Variants in PATE1 observed in about 807,000 individuals in gnomAD.
The protein encoded by PATE1 is prostate and testis expressed 1.
PATE1 carries 21 observed loss-of-function variants against 13.1 expected under a neutral mutation model. The observed-to-expected ratio is 1.61, with a 90% confidence interval of 1.14 to 2.31. PATE1 has a LOEUF of 2.31. Among genes scored for constraint, PATE1 ranks in the 30% most tolerant of loss-of-function variants. The pLI is 0.00. For synonymous variants in PATE1, 52 were observed against 47.1 expected (o/e 1.10, Z -0.43); for missense variants, 166 against 147.2 (o/e 1.13, Z -0.66).
At position 125,748,580 on chromosome 11, in the gene PATE1, G is replaced by GT; in HGVS notation, c.248-14dup. On this transcript the variant is annotated intron_variant, in intron 4 of 4. Coordinates refer to ENST00000305738, the MANE Select transcript of PATE1 (RefSeq NM_138294.3). Reference sequence around the variant, plus strand: ...CTTTCATGGCCAGGCTTCCTGATCTGTTTTTTCTCCCCTCCACAGGGGATG... The same window carrying GT: ...CTTTCATGGCCAGGCTTCCTGATCTGTTTTTTTCTCCCCTCCACAGGGGATG... The GT allele has an allele frequency of 2.5e-6, 4 of 1,608,602 alleles. No individual in the cohort carries two copies. The highest frequency in any genetic ancestry group is 3.4e-6 in the Non-Finnish European group (4 of 1,178,424).
chr11:125,748,805 T>TA lies in PATE1; in HGVS notation c.*80dup, dbSNP rs1341291218. 3.3e-5 allele frequency: 50 copies of TA among 1,526,426 alleles called. No homozygotes were observed. Among genetic ancestry groups the TA allele is most frequent in the Non-Finnish European group, 3.3e-5 (38 of 1,136,356 alleles). The allele number at this position is 1,526,426 out of a possible 1,614,324, so 94.6% of individuals were successfully genotyped here. A position where few individuals can be genotyped will look rare whatever the true frequency, so the allele number is the denominator to read the frequency against. ...CCTCAGCCTCTTCACAATGACTTTC[T>TA]AAAAAAAATCACACACACACACACA... On this transcript the variant is annotated 3_prime_UTR_variant, in exon 5 of 5. Coordinates refer to ENST00000305738, the MANE Select transcript of PATE1 (RefSeq NM_138294.3).
chr11:125,747,578 C>T lies in PATE1; in HGVS notation c.125-122C>T, dbSNP rs1014949909. 2.8e-5 allele frequency: 41 copies of T among 1,477,062 alleles called. 1 individual carries two copies. The highest frequency in any genetic ancestry group is 8.5e-5 in the South Asian group (7 of 82,014). 91.5% of individuals were successfully genotyped at this position (1,477,062 alleles called of 1,614,324 possible). On this transcript the variant is annotated intron_variant, in intron 3 of 4. Coordinates refer to ENST00000305738, the MANE Select transcript of PATE1 (RefSeq NM_138294.3). ...GTATTTCCACAGAGGAAGAGGTTCA[C>T]GCTTGATGGGCTCTGGCAAAGCCCT...
intron 4 of PATE1, 33 bp downstream of exon 4, chr11:125,747,855 C>T: frequency 6.2e-7 from 1 of 1,612,732 alleles, no homozygotes. Flanking sequence ...GAAGAACGGG[C>T]AGAGGACGTA....
At chr11:125,747,879 C>A in intron 4 of PATE1, 57 bp downstream of exon 4, 1 of 1,606,256 alleles carries the variant, frequency 6.2e-7, no homozygotes, top group Non-Finnish European at 8.5e-7. Context: ...AGGGACGTAT[C>A]AGCCACAGGG....
intron 1 of PATE1, 120 bp from the exon 2 acceptor site, chr11:125,746,541 T>C (rs1943273169): frequency 2.9e-6 from 4 of 1,390,250 alleles, no homozygotes. Flanking sequence ...CTCTTCTCCC[T>C]TCCTTTATGG....
chr11:125,747,521 A>G, intron 3 of PATE1, 110 bp downstream of exon 3: 1 of 1,421,014 alleles, frequency 7.0e-7, no homozygotes, highest in Admixed American at 1.7e-5. Context: ...AATTCCTGAG[A>G]CCATAAACCT....
At chr11:125,748,517 T>A in intron 4 of PATE1, 83 bp from the exon 5 acceptor site, 3 of 1,452,980 alleles carry the variant, frequency 2.1e-6, no homozygotes, top group Non-Finnish European at 2.8e-6. Flanking sequence ...ATTATTTCTA[T>A]ATGTTGGTGT....
rs1325265167 is a variant in PATE1 at position 125,749,782 on chromosome 11, A to G, written c.*1049A>G. 1 of 152,154 alleles carries G rather than the reference A, an allele frequency of 6.6e-6. No homozygotes were observed. The highest frequency in any genetic ancestry group is 2.4e-5 in the African/African-American group (1 of 41,444). The allele number at this position is 152,154 out of a possible 1,614,324, so 9.4% of individuals were successfully genotyped here. On this transcript the variant is annotated 3_prime_UTR_variant, in exon 5 of 5. Coordinates refer to ENST00000305738, the MANE Select transcript of PATE1 (RefSeq NM_138294.3). ...ATTTCTAACGAAACTTGTAGAATGA[A>G]GCCTGGAAAGAGTGATGAATTATAT...
At chr11:125,747,895 G>A in intron 4 of PATE1, 73 bp downstream of exon 4, 1 of 1,592,038 alleles carries the variant, frequency 6.3e-7, no homozygotes, top group East Asian at 2.2e-5. Flanking sequence ...CAGGGGAAAG[G>A]AGAGATCTTA....
At chr11:125,747,659 G>A in intron 3 of PATE1, 41 bp from the exon 4 acceptor site, 1 of 1,608,866 alleles carries the variant, frequency 6.2e-7, no homozygotes, top group Non-Finnish European at 8.5e-7. Flanking sequence ...TCCTGGTAGT[G>A]CCATCTTTTC....
At chr11:125,747,298 G>A (rs11220207) in intron 2 of PATE1, 78 bp from the exon 3 acceptor site, 187,886 of 1,387,674 alleles carry the variant, frequency 0.14, 13,211 homozygotes, top group East Asian at 0.18. Flanking sequence ...GGACCCTGAA[G>A]GGCAGACTAT....
chr11:125,747,735 C>CT lies in PATE1; in HGVS notation c.160_161insT (p.Gln54LeufsTer33). The CT allele has an allele frequency of 1.2e-6, 2 of 1,613,770 alleles. No individual in the cohort carries two copies. Among genetic ancestry groups the CT allele is most frequent in the Non-Finnish European group, 1.7e-6 (2 of 1,179,800 alleles). On this transcript the variant is annotated frameshift_variant, in exon 4 of 5. Transcript: ENST00000305738. LOFTEE classifies it high-confidence loss of function. ...TGTTCAGTGTAGGATGTGCCACCTC[C>CT]AGTTCCCAGGAGAAAAGTGCTCCAG...
At position 125,748,847 on chromosome 11, in the gene PATE1, A is replaced by T. The variant is rs754063030; in HGVS notation, c.*114A>T. On this transcript the variant is annotated 3_prime_UTR_variant, in exon 5 of 5. Transcript: ENST00000305738. ...ACACACACACACACTACAGAAGAGG[A>T]TTGCAAACACATGGCTCCATCTTCT... 1.6e-5 allele frequency: 21 copies of T among 1,303,272 alleles called. No homozygotes were observed. Among genetic ancestry groups the T allele is most frequent in the Non-Finnish European group, 2.2e-5 (21 of 960,708 alleles). The allele number at this position is 1,303,272 out of a possible 1,614,324, so 80.7% of individuals were successfully genotyped here. A position where few individuals can be genotyped will look rare whatever the true frequency, so the allele number is the denominator to read the frequency against.
In PATE1 at chr11:125,748,164, T is replaced by C. The variant is rs1172660362; in HGVS notation, c.247+342T>C. 9.1e-6 allele frequency: 3 copies of C among 331,154 alleles called. No individual in the cohort carries two copies. The South Asian group carries it at 1.2e-4, about 13-fold the overall frequency. The allele number at this position is 331,154 out of a possible 1,614,324, so 20.5% of individuals were successfully genotyped here. On this transcript the variant is annotated intron_variant, in intron 4 of 4. Coordinates refer to ENST00000305738, the MANE Select transcript of PATE1 (RefSeq NM_138294.3). ...TTTTGGTTCTTGTGCCTGTCTGGGC[T>C]TCCTTACGGATGGTTCTAAACTGTG... is the stretch of plus-strand genomic sequence containing the variant.
At chr11:125,747,540 C>A in intron 3 of PATE1, 129 bp downstream of exon 3, 1 of 1,412,150 alleles carries the variant, frequency 7.1e-7, no homozygotes, top group Non-Finnish European at 9.8e-7. Flanking sequence ...CTCAATCACT[C>A]TCTTGGCTTA....
intron 1 of PATE1, 125 bp from the exon 2 acceptor site, chr11:125,746,536 C>A: frequency 1.5e-6 from 2 of 1,363,448 alleles, no homozygotes; most frequent in Non-Finnish European, 1.0e-6. Flanking sequence ...TAAAGCTCTT[C>A]TCCCTTCCTT....
In PATE1 at chr11:125,748,949, A is replaced by T; in HGVS notation, c.*216A>T. The T allele has an allele frequency of 2.0e-6, 1 of 502,550 alleles. No homozygotes were observed. The highest frequency in any genetic ancestry group is 3.4e-6 in the Non-Finnish European group (1 of 297,014). The allele number at this position is 502,550 out of a possible 1,614,324, so 31.1% of individuals were successfully genotyped here. A position where few individuals can be genotyped will look rare whatever the true frequency, so the allele number is the denominator to read the frequency against. Reference sequence around the variant, plus strand: ...TAAAATAAGTAAATAAATAACCTTGAGAGAAAGAACAAGATCAATATATCC... The same window carrying T: ...TAAAATAAGTAAATAAATAACCTTGTGAGAAAGAACAAGATCAATATATCC... On this transcript the variant is annotated 3_prime_UTR_variant, in exon 5 of 5. Coordinates refer to ENST00000305738, the MANE Select transcript of PATE1 (RefSeq NM_138294.3).
Position 125,748,629 on chromosome 11 carries a change from G to T in PATE1, c.277G>T (p.Gly93Cys). The T allele has an allele frequency of 6.2e-7, 1 of 1,613,762 alleles. No individual in the cohort carries two copies. Among genetic ancestry groups the T allele is most frequent in the Non-Finnish European group, 8.5e-7 (1 of 1,179,854 alleles). The change falls in exon 5 of 5, where the codon GGC (glycine) becomes TGC (cysteine). Residue 93 changes from glycine to cysteine, a missense_variant. Physicochemically the swap from Gly to Cys is radical, Grantham distance 159. Transcript: ENST00000305738. ...RDGNPWLTFM[G>C]CLKNCADVKG... ...TGGTAATCCCTGGTTAACCTTCATGGGCTGCCTAAAGAACTGTGCTGATGT... is the reference window on the plus strand; with the variant it reads ...TGGTAATCCCTGGTTAACCTTCATGTGCTGCCTAAAGAACTGTGCTGATGT...
intron 4 of PATE1, 148 bp downstream of exon 4, chr11:125,747,970 C>T (rs981452647): frequency 3.6e-5 from 44 of 1,233,002 alleles, no homozygotes; most frequent in South Asian, 2.3e-4. Flanking sequence ...CATCATATGC[C>T]GTAATGAAAA....
Sources: allele counts gnomAD v4.1 joint callset, GRCh38; gene constraint gnomAD v4.1.1; transcripts MANE v1.5; gene names NCBI Gene and HGNC (gene_info 2026-07-23, HGNC 2026-07-21).